LRP1B: variants seen among roughly 807,000 people sequenced by gnomAD.
LRP1B encodes the protein low-density lipoprotein receptor-related protein 1B.
In LRP1B, 217 loss-of-function variants were observed where a neutral mutation model predicts 556.6. That is an observed-to-expected ratio of 0.39 (90% CI 0.35 to 0.44). The LOEUF is 0.44. LRP1B is among the 20% of genes least tolerant of loss of function. The pLI, the probability that LRP1B is intolerant of heterozygous loss-of-function variation, is 1.00. For missense variants in LRP1B, 5,053 were observed against 5,620.8 expected (o/e 0.90, Z 3.23); for synonymous variants, 2,047 against 1,865.8 (o/e 1.10, Z -2.50).
At chr2:141,185,425 G>A (rs1023468011) in intron 7 of LRP1B, among the ~76,000 whole-genome samples, 8 of 151,752 alleles carry the variant, frequency 5.3e-5, no homozygotes, top group East Asian at 3.9e-4. Flanking sequence ...AAATAATTTC[G>A]GAAAGTTTTC....
intron 43 of LRP1B, among the ~76,000 whole-genome samples, chr2:140,546,865 G>T (rs953141163): frequency 8.6e-5 from 13 of 151,770 alleles, no homozygotes; most frequent in Non-Finnish European, 1.8e-4. Flanking sequence ...GAGGTTTGGG[G>T]TGTTGAATTT....
At chr2:140,480,243 T>G (rs1558911183) in intron 59 of LRP1B, among the ~76,000 whole-genome samples, 1 of 152,188 alleles carries the variant, frequency 6.6e-6, no homozygotes, top group African/African-American at 2.4e-5. Context: ...CTTGGAAAAT[T>G]TGGTAGTTAT....
intron 2 of LRP1B, among the ~76,000 whole-genome samples, chr2:141,536,039 A>T (rs1685060098): frequency 6.6e-6 from 1 of 152,152 alleles, no homozygotes; most frequent in Admixed American, 6.6e-5. Context: ...TACATGCAAG[A>T]TTGTTTAAAA....
At chr2:141,482,959 T>A (rs1573998287) in intron 2 of LRP1B, among the ~76,000 whole-genome samples, 1 of 146,606 alleles carries the variant, frequency 6.8e-6, no homozygotes, top group East Asian at 2.0e-4. Flanking sequence ...TTTGTTTTTT[T>A]ATTTTATTTT....
At chr2:140,343,051 C>A (rs1226597565) in intron 77 of LRP1B, among the ~76,000 whole-genome samples, 3 of 150,836 alleles carry the variant, frequency 2.0e-5, no homozygotes, top group Non-Finnish European at 4.4e-5. Context: ...TCAGTATTTA[C>A]AGTATATAAA....
intron 1 of LRP1B, among the ~76,000 whole-genome samples, chr2:142,112,654 T>C (rs1315552938): frequency 6.6e-6 from 1 of 152,108 alleles, no homozygotes; most frequent in Non-Finnish European, 1.5e-5. Context: ...AATAACATTT[T>C]TGAATAAATA....
At chr2:140,577,279 TC>T in intron 43 of LRP1B, among the ~76,000 whole-genome samples, 1 of 152,056 alleles carries the variant, frequency 6.6e-6, no homozygotes, top group South Asian at 2.1e-4. Flanking sequence ...GGTCAAGAGA[TC>T]CGGACCATCC....
intron 86 of LRP1B, among the ~76,000 whole-genome samples, chr2:140,250,823 GTTA>G (rs762384751): frequency 1.1e-4 from 16 of 151,576 alleles, no homozygotes; most frequent in African/African-American, 1.7e-4. Context: ...GAGATACATT[GTTA>G]TTATTATATT....
chr2:141,403,319 T>C (rs1001821021), intron 3 of LRP1B, among the ~76,000 whole-genome samples: 2 of 151,908 alleles, frequency 1.3e-5, no homozygotes, highest in African/African-American at 4.9e-5. Flanking sequence ...AATAGGAACA[T>C]CTAAATATTT....
At chr2:141,414,261 G>C (rs961545870) in intron 3 of LRP1B, among the ~76,000 whole-genome samples, 1 of 137,582 alleles carries the variant, frequency 7.3e-6, no homozygotes, top group Non-Finnish European at 1.6e-5. Context: ...AAAGAAAAAG[G>C]AAGGAAGGAG....
At chr2:141,168,195 C>A (rs1680348918) in intron 7 of LRP1B, among the ~76,000 whole-genome samples, 1 of 151,942 alleles carries the variant, frequency 6.6e-6, no homozygotes, top group African/African-American at 2.4e-5. Context: ...TCTGGGTGGG[C>A]TAGTCTATGT....
chr2:140,454,243 G>T (rs1573957358), intron 62 of LRP1B, among the ~76,000 whole-genome samples: 1 of 152,034 alleles, frequency 6.6e-6, no homozygotes, highest in Non-Finnish European at 1.5e-5. Flanking sequence ...CCGCCTTCTG[G>T]GTTCAAGCAA....
At chr2:142,080,597 T>A (rs1475745498) in intron 1 of LRP1B, among the ~76,000 whole-genome samples, 6 of 145,240 alleles carry the variant, frequency 4.1e-5, no homozygotes, top group Non-Finnish European at 9.2e-5. Flanking sequence ...CAGCCCAATG[T>A]AATAAAAGCA....
chr2:141,533,032 C>A (rs1684944142), intron 2 of LRP1B, among the ~76,000 whole-genome samples: 1 of 151,908 alleles, frequency 6.6e-6, no homozygotes, highest in Non-Finnish European at 1.5e-5. Flanking sequence ...GTGGTATATC[C>A]AAAGATAGGT....
At position 140,334,020 on chromosome 2, in the gene LRP1B, CA is replaced by C. The variant is rs772476928; in HGVS notation, c.12223+432del. Reference sequence around the variant, plus strand: ...GCAAAAAAAACAAAACAAAACAAAACAAAAAAAAAAACACCAAACCTGTCTT... The same window carrying C: ...GCAAAAAAAACAAAACAAAACAAAACAAAAAAAAAACACCAAACCTGTCTT... On this transcript the variant is annotated intron_variant, in intron 79 of 90. Transcript: ENST00000389484. 1.1e-3 allele frequency among the ~76,000 whole-genome samples: 154 copies of C among 142,940 alleles called. 1 individual carries two copies. Among genetic ancestry groups the C allele is most frequent in the African/African-American group, 2.0e-3 (78 of 39,188 alleles). 93.8% of individuals were successfully genotyped at this position (142,940 alleles called of 152,430 possible).
intron 2 of LRP1B, among the ~76,000 whole-genome samples, chr2:141,733,816 T>C (rs1228784107): frequency 2.6e-5 from 4 of 152,180 alleles, no homozygotes; most frequent in Non-Finnish European, 4.4e-5. Context: ...CTTATTGTGA[T>C]AGTTCAGACT....
intron 1 of LRP1B, among the ~76,000 whole-genome samples, chr2:141,876,431 T>G (rs1227176394): frequency 6.6e-6 from 1 of 151,888 alleles, no homozygotes; most frequent in Non-Finnish European, 1.5e-5. Flanking sequence ...ACTGTCCAAA[T>G]CAGAGAAAGG....
At chr2:142,121,910 T>A (rs201892965) in intron 1 of LRP1B, among the ~76,000 whole-genome samples, 1 of 138,216 alleles carries the variant, frequency 7.2e-6, no homozygotes. Context: ...AAAAAAAAAA[T>A]TTGAATGAAA....
At chr2:140,347,735 C>A (rs992993533) in intron 77 of LRP1B, among the ~76,000 whole-genome samples, 8 of 151,934 alleles carry the variant, frequency 5.3e-5, no homozygotes, top group Admixed American at 3.3e-4. Context: ...ATTTTTCTCT[C>A]CCTTGTCTAT....
Sources: gnomAD v4.1 joint callset for allele counts (sites outside exome capture counted in the v4.1 genomes callset) on GRCh38, gnomAD v4.1.1 for gene constraint, MANE v1.5 for transcripts, NCBI Gene and HGNC (gene_info 2026-07-23, HGNC 2026-07-21) for gene names.